The following GALNT13 variants were observed in gnomAD, a reference collection of about 807,000 sequenced individuals.
The protein encoded by GALNT13 is polypeptide N-acetylgalactosaminyltransferase 13.
In GALNT13, 28 loss-of-function variants were observed where a neutral mutation model predicts 64.2. That is an observed-to-expected ratio of 0.44 (90% CI 0.32 to 0.60). The LOEUF (loss-of-function observed/expected upper bound fraction) is 0.60, where lower values mean the gene tolerates loss of function less well. Ranked by LOEUF, GALNT13 falls within the 20% of genes least tolerant of loss-of-function variation. The pLI is 0.05. For synonymous variants in GALNT13, 214 were observed against 224.6 expected (o/e 0.95, Z 0.42); for missense variants, 577 against 669.8 (o/e 0.86, Z 1.53).
At chr2:153,594,969 G>A in the GALNT13 span, among the ~76,000 whole-genome samples, 1 of 152,054 alleles carries the variant, frequency 6.6e-6, no homozygotes. Context: ...TCTCAGGAAT[G>A]ATGAAGCTAT....
At chr2:153,337,668 T>C in the GALNT13 span, 1 of 152,236 alleles carries the variant, frequency 6.6e-6, no homozygotes, top group African/African-American at 2.4e-5. Context: ...CAGTCTATAA[T>C]TCCCTATTCT....
At chr2:154,159,915 G>A (rs1684636268) in intron 4 of GALNT13, among the ~76,000 whole-genome samples, 1 of 152,128 alleles carries the variant, frequency 6.6e-6, no homozygotes, top group Admixed American at 6.6e-5. Flanking sequence ...TAGATGCTAA[G>A]TCTTCTACCT....
At chr2:154,272,908 A>G (rs1691432761) in intron 8 of GALNT13, among the ~76,000 whole-genome samples, 1 of 152,180 alleles carries the variant, frequency 6.6e-6, no homozygotes, top group Non-Finnish European at 1.5e-5. Flanking sequence ...AATAGCTTTA[A>G]AATTTTAAAA....
the GALNT13 span, among the ~76,000 whole-genome samples, chr2:153,158,117 G>C: frequency 4.6e-5 from 7 of 152,088 alleles, no homozygotes; most frequent in African/African-American, 1.7e-4. Context: ...CCAAAAGTTA[G>C]AATTTTTTCT....
At chr2:154,395,524 A>C (rs536875386) in intron 9 of GALNT13, among the ~76,000 whole-genome samples, 3 of 152,160 alleles carry the variant, frequency 2.0e-5, no homozygotes, top group African/African-American at 7.2e-5. Context: ...GAAAAAGAAC[A>C]TATGTACAGT....
chr2:153,424,046 T>C, the GALNT13 span, among the ~76,000 whole-genome samples: 1 of 150,366 alleles, frequency 6.7e-6, no homozygotes, highest in Non-Finnish European at 1.5e-5. Context: ...AAGTAATAGA[T>C]AGAAAAATCC....
chr2:154,075,642 A>G (rs1700950138), intron 3 of GALNT13, among the ~76,000 whole-genome samples: 1 of 151,784 alleles, frequency 6.6e-6, no homozygotes, highest in South Asian at 2.1e-4. Context: ...TTCCTTCACA[A>G]CACGATTAAA....
At chr2:153,715,904 C>T in the GALNT13 span, among the ~76,000 whole-genome samples, 4 of 147,394 alleles carry the variant, frequency 2.7e-5, no homozygotes, top group Non-Finnish European at 5.9e-5. Context: ...AAACTGATGT[C>T]TTTTCATTTT....
chr2:153,083,718 C>G, the GALNT13 span, among the ~76,000 whole-genome samples: 1 of 152,188 alleles, frequency 6.6e-6, no homozygotes, highest in South Asian at 2.1e-4. Flanking sequence ...ATTTCTATTG[C>G]TGTGCAGAAG....
intron 3 of GALNT13, among the ~76,000 whole-genome samples, chr2:154,051,279 C>CTTTTTTTTTTT (rs34890901): frequency 2.9e-5 from 3 of 102,298 alleles, no homozygotes; most frequent in Non-Finnish European, 3.8e-5. Context: ...CTTACTCCTT[C>CTTTTTTTTTTT]TTTTTTTTTT....
chr2:154,206,763 G>A (rs1335515416), intron 4 of GALNT13, among the ~76,000 whole-genome samples: 2 of 151,122 alleles, frequency 1.3e-5, no homozygotes, highest in African/African-American at 4.9e-5. Flanking sequence ...CAGCCTGGGT[G>A]ACAGAGGGAG....
chr2:154,249,350 G>A (rs1047845926), intron 7 of GALNT13, among the ~76,000 whole-genome samples: 12 of 152,144 alleles, frequency 7.9e-5, no homozygotes, highest in South Asian at 2.1e-4. Flanking sequence ...AGGTATGCTC[G>A]ATGAGGGAAA....
At chr2:154,297,841 A>G (rs994433735) in intron 8 of GALNT13, among the ~76,000 whole-genome samples, 7 of 152,148 alleles carry the variant, frequency 4.6e-5, no homozygotes, top group Admixed American at 1.3e-4. Flanking sequence ...TGGTTTGACT[A>G]TCTGGGTGAA....
At chr2:153,712,472 C>T in the GALNT13 span, among the ~76,000 whole-genome samples, 6 of 152,062 alleles carry the variant, frequency 3.9e-5, no homozygotes, top group Admixed American at 3.3e-4. Flanking sequence ...GAAAGAAGAA[C>T]CTCAGTATAT....
intron 3 of GALNT13, among the ~76,000 whole-genome samples, chr2:154,027,323 G>T (rs907394087): frequency 6.6e-6 from 1 of 152,000 alleles, no homozygotes; most frequent in Non-Finnish European, 1.5e-5. Context: ...CGTAACATTG[G>T]ACTACTTAAC....
intron 3 of GALNT13, among the ~76,000 whole-genome samples, chr2:153,968,667 A>G (rs144664408): frequency 6.6e-6 from 1 of 152,178 alleles, no homozygotes; most frequent in African/African-American, 2.4e-5. Flanking sequence ...CTTCCTCTGA[A>G]AAGTAGTTTC....
chr2:153,233,743 A>G, the GALNT13 span, among the ~76,000 whole-genome samples: 3 of 152,154 alleles, frequency 2.0e-5, no homozygotes, highest in African/African-American at 7.2e-5. Flanking sequence ...TAGTAACTTA[A>G]TTTGAAAGAG....
intron 4 of GALNT13, among the ~76,000 whole-genome samples, chr2:154,146,135 TG>T (rs1200260003): frequency 2.4e-4 from 34 of 140,926 alleles, no homozygotes; most frequent in African/African-American, 7.4e-4. Flanking sequence ...TGTGTGTGTG[TG>T]TATATATATA....
the GALNT13 span, among the ~76,000 whole-genome samples, chr2:153,435,202 C>T: frequency 1.3e-5 from 2 of 152,024 alleles, no homozygotes; most frequent in African/African-American, 4.8e-5. Context: ...TGCTTTGGTA[C>T]CAGTACCATG....
Sources: allele counts gnomAD v4.1 joint callset (sites outside exome capture counted in the v4.1 genomes callset), GRCh38; gene constraint gnomAD v4.1.1; transcripts MANE v1.5; gene names NCBI Gene and HGNC (gene_info 2026-07-23, HGNC 2026-07-21).